CDC42BPA: variants seen among roughly 807,000 people sequenced by gnomAD.
The protein encoded by CDC42BPA is serine/threonine-protein kinase MRCK alpha.
In CDC42BPA, 80 loss-of-function variants were observed where a neutral mutation model predicts 223.5. The observed-to-expected ratio is 0.36, with a 90% CI of 0.30 to 0.43. CDC42BPA has a LOEUF of 0.43. CDC42BPA is among the 20% of genes least tolerant of loss of function. The pLI, the probability that CDC42BPA is intolerant of heterozygous loss-of-function variation, is 1.00. For missense variants in CDC42BPA, 1,743 were observed against 2,099.9 expected (o/e 0.83, Z 3.32); for synonymous variants, 694 against 718.6 (o/e 0.97, Z 0.55).
At chr1:227,022,910 T>C (rs537935576) in intron 32 of CDC42BPA, among the ~76,000 whole-genome samples, 5 of 152,288 alleles carry the variant, frequency 3.3e-5, no homozygotes, top group South Asian at 2.1e-4. Context: ...TCCTCAACTC[T>C]AGATGAGTGT....
rs76935054 is a variant in CDC42BPA at position 227,311,785 on chromosome 1, A to G, written c.178+5220T>C. ...GACTGAAGTAGCAACTCAGGAACAC[A>G]GTATTCATTCTCATTCTCTGTCTCC... On this transcript the variant is annotated intron_variant, in intron 1 of 36. Coordinates refer to ENST00000366766, the MANE Select transcript of CDC42BPA (RefSeq NM_001394014.1). Among the ~76,000 whole-genome samples the G allele has an allele frequency of 4.0e-5, 6 of 151,848 alleles. No homozygotes were observed. In the East Asian group the frequency reaches 1.2e-3, roughly 29 times the overall value.
At chr1:227,104,996 T>C (rs1685661300) in intron 14 of CDC42BPA, among the ~76,000 whole-genome samples, 1 of 152,176 alleles carries the variant, frequency 6.6e-6, no homozygotes, top group Non-Finnish European at 1.5e-5. Flanking sequence ...CACAGCATCA[T>C]ATATAACAAC....
chr1:227,267,151 T>A (rs942952546), intron 1 of CDC42BPA, among the ~76,000 whole-genome samples: 5 of 152,352 alleles, frequency 3.3e-5, no homozygotes, highest in African/African-American at 1.2e-4. Context: ...TTATGCATTT[T>A]TATAACAAAA....
chr1:227,222,334 C>A (rs1260131369), intron 2 of CDC42BPA, among the ~76,000 whole-genome samples: 1 of 152,028 alleles, frequency 6.6e-6, no homozygotes, highest in African/African-American at 2.4e-5. Context: ...CTTGATGAAA[C>A]CCCATCTCTA....
chr1:227,307,727 T>C (rs1692809822), intron 1 of CDC42BPA, among the ~76,000 whole-genome samples: 1 of 152,192 alleles, frequency 6.6e-6, no homozygotes, highest in African/African-American at 2.4e-5. Flanking sequence ...CACACGTTTG[T>C]GTCGTACTGT....
chr1:227,269,011 A>C (rs1038818625), intron 1 of CDC42BPA, among the ~76,000 whole-genome samples: 3 of 152,210 alleles, frequency 2.0e-5, no homozygotes, highest in African/African-American at 7.2e-5. Flanking sequence ...TTTAAAAAAA[A>C]GTCTGGTATT....
chr1:227,168,497 G>GTTTTTTTTTTTTTTTTTTT (rs1292387936), intron 5 of CDC42BPA, among the ~76,000 whole-genome samples: 1,459 of 80,032 alleles, frequency 0.018, 266 homozygotes, highest in East Asian at 0.026. Flanking sequence ...CTTCCCTGGT[G>GTTTTTTTTTTTTTTTTTTT]TTTTTTTTTT....
At chr1:227,217,979 A>T (rs1675165682) in intron 2 of CDC42BPA, among the ~76,000 whole-genome samples, 1 of 152,198 alleles carries the variant, frequency 6.6e-6, no homozygotes, top group African/African-American at 2.4e-5. Flanking sequence ...CATTCACTAC[A>T]ATATAAGCTA....
intron 2 of CDC42BPA, among the ~76,000 whole-genome samples, chr1:227,228,122 G>A (rs1416081412): frequency 6.6e-6 from 1 of 152,028 alleles, no homozygotes; most frequent in Non-Finnish European, 1.5e-5. Context: ...GGGTGGGGAG[G>A]TGGGGGCAGG....
intron 2 of CDC42BPA, among the ~76,000 whole-genome samples, chr1:227,244,727 A>T (rs745838129): frequency 6.6e-6 from 1 of 152,254 alleles, no homozygotes; most frequent in Non-Finnish European, 1.5e-5. Context: ...AAACTCAGGT[A>T]AGCAATCACA....
At chr1:227,010,523 C>A (rs1371707474) in intron 34 of CDC42BPA, among the ~76,000 whole-genome samples, 1 of 152,138 alleles carries the variant, frequency 6.6e-6, no homozygotes, top group Non-Finnish European at 1.5e-5. Flanking sequence ...CTAAAAAATT[C>A]AGAAATTCTG....
At chr1:227,062,365 G>C (rs941298926) in intron 21 of CDC42BPA, among the ~76,000 whole-genome samples, 1 of 152,120 alleles carries the variant, frequency 6.6e-6, no homozygotes, top group Non-Finnish European at 1.5e-5. Flanking sequence ...CCTTTAATAA[G>C]CTTTTCTGGA....
At chr1:227,213,992 C>A (rs1003608686) in intron 2 of CDC42BPA, among the ~76,000 whole-genome samples, 1 of 151,998 alleles carries the variant, frequency 6.6e-6, no homozygotes, top group Non-Finnish European at 1.5e-5. Context: ...TCTGTAAGAC[C>A]ACTTCCAGGC....
At chr1:227,174,197 A>G (rs1323688676) in intron 5 of CDC42BPA, among the ~76,000 whole-genome samples, 3 of 152,162 alleles carry the variant, frequency 2.0e-5, no homozygotes, top group Non-Finnish European at 2.9e-5. Flanking sequence ...GAGCATCCAT[A>G]TAACATTACC....
intron 6 of CDC42BPA, among the ~76,000 whole-genome samples, chr1:227,150,586 C>T (rs933659181): frequency 1.3e-5 from 2 of 151,854 alleles, no homozygotes; most frequent in African/African-American, 2.4e-5. Flanking sequence ...GGGTATACTT[C>T]GGAAAACAAG....
intron 32 of CDC42BPA, among the ~76,000 whole-genome samples, chr1:227,019,684 T>TAAC (rs139835669): frequency 0.4 from 61,308 of 151,562 alleles, 12,742 homozygotes; most frequent in Non-Finnish European, 0.45. Context: ...GACGTGAAAA[T>TAAC]ATCATCAATC....
At chr1:227,014,673 T>C (rs572638422) in intron 34 of CDC42BPA, among the ~76,000 whole-genome samples, 1 of 152,294 alleles carries the variant, frequency 6.6e-6, no homozygotes, top group South Asian at 2.1e-4. Context: ...GTAGTGTTGA[T>C]AATGTGGTTA....
intron 5 of CDC42BPA, chr1:227,182,850 G>A (rs986767387): frequency 6.6e-6 from 1 of 152,212 alleles, no homozygotes; most frequent in Non-Finnish European, 1.5e-5. Context: ...GAGTCTTCTG[G>A]CTCTTTCTTC....
At chr1:227,176,027 A>G (rs1666902775) in intron 5 of CDC42BPA, among the ~76,000 whole-genome samples, 1 of 152,166 alleles carries the variant, frequency 6.6e-6, no homozygotes, top group Non-Finnish European at 1.5e-5. Flanking sequence ...ATCTTGGCTC[A>G]CTGCAACCTC....
Sources: gnomAD v4.1 joint callset for allele counts (sites outside exome capture counted in the v4.1 genomes callset) on GRCh38, gnomAD v4.1.1 for gene constraint, MANE v1.5 for transcripts, NCBI Gene and HGNC (gene_info 2026-07-23, HGNC 2026-07-21) for gene names.